Variants in INTS6L observed in about 807,000 individuals in gnomAD.
INTS6L encodes the protein integrator complex subunit 6 like.
Under a neutral mutation model 64.7 loss-of-function variants are expected in INTS6L, and 18 were observed. The observed-to-expected ratio is 0.28, with a 90% CI of 0.19 to 0.41. The LOEUF (loss-of-function observed/expected upper bound fraction) is 0.41, where lower values mean the gene tolerates loss of function less well. Among genes scored for constraint, INTS6L ranks in the 10% least tolerant of loss-of-function variants. The probability of loss-of-function intolerance (pLI) is 1.00; values close to 1 mark genes in which losing one functional copy is unlikely to be tolerated. For synonymous variants in INTS6L, 227 were observed against 235.9 expected, an observed-to-expected ratio of 0.96 and a Z score of 0.34; for missense variants, 533 against 661.0, an observed-to-expected ratio of 0.81 and a Z score of 2.12.
intron 11 of INTS6L, chrX:135,571,715 A>C (rs1556527579): frequency 1.8e-5 from 2 of 111,717 alleles, no homozygotes; most frequent in Non-Finnish European, 3.8e-5. Flanking sequence ...CTATCTATTG[A>C]TCTATCGATT....
At chrX:135,529,151 G>C (rs1282983934) in intron 2 of INTS6L, among the ~76,000 whole-genome samples, 2 of 112,051 alleles carry the variant, frequency 1.8e-5, no homozygotes, top group Non-Finnish European at 3.8e-5. Context: ...GTGCTCACCA[G>C]TAGTGCTAAA....
chrX:135,576,837 C>G (rs1461706958), intron 14 of INTS6L, among the ~76,000 whole-genome samples: 5 of 112,432 alleles, frequency 4.4e-5, no homozygotes, highest in African/African-American at 1.6e-4. Flanking sequence ...GTACTTCTCT[C>G]CTTTTGGTTG....
At chrX:135,532,717 G>A (rs955967878) in intron 2 of INTS6L, among the ~76,000 whole-genome samples, 13 of 111,917 alleles carry the variant, frequency 1.2e-4, no homozygotes, top group Admixed American at 4.7e-4. Flanking sequence ...GTACAGGAGA[G>A]AGTTGTATAA....
At chrX:135,574,871 T>G (rs1377619749) in intron 13 of INTS6L, among the ~76,000 whole-genome samples, 1 of 112,195 alleles carries the variant, frequency 8.9e-6, no homozygotes, top group Non-Finnish European at 1.9e-5. Context: ...GTTCTGATCC[T>G]AGCGATGTGA....
intron 2 of INTS6L, among the ~76,000 whole-genome samples, chrX:135,527,162 A>G (rs925144260): frequency 8.9e-6 from 1 of 112,049 alleles, no homozygotes; most frequent in African/African-American, 3.3e-5. Context: ...TGCCTCTTGC[A>G]TCTTTCTGCA....
intron 2 of INTS6L, among the ~76,000 whole-genome samples, chrX:135,528,404 C>G (rs1371248509): frequency 1.8e-5 from 2 of 111,556 alleles, no homozygotes; most frequent in African/African-American, 6.5e-5. Context: ...TTCCTCACAA[C>G]TGGGTGTGGA....
At chrX:135,526,891 T>A (rs1268449675) in intron 2 of INTS6L, among the ~76,000 whole-genome samples, 1 of 112,069 alleles carries the variant, frequency 8.9e-6, no homozygotes, top group African/African-American at 3.2e-5. Context: ...CCCCATAGAG[T>A]AATCACTATT....
chrX:135,559,740 A>G (rs1473820575), intron 9 of INTS6L, among the ~76,000 whole-genome samples: 1 of 112,446 alleles, frequency 8.9e-6, no homozygotes, highest in Non-Finnish European at 1.9e-5. Flanking sequence ...TAGCTATACT[A>G]TTTTACATTC....
intron 7 of INTS6L, among the ~76,000 whole-genome samples, chrX:135,551,703 T>C (rs1401474320): frequency 8.9e-6 from 1 of 112,131 alleles, no homozygotes; most frequent in Non-Finnish European, 1.9e-5. Flanking sequence ...TAAGCACTTC[T>C]TAAACATATT....
At chrX:135,556,826 T>A (rs1422935759) in intron 9 of INTS6L, among the ~76,000 whole-genome samples, 1 of 112,090 alleles carries the variant, frequency 8.9e-6, no homozygotes, top group African/African-American at 3.2e-5. Flanking sequence ...AATGAAAATG[T>A]GTGTGGAGAT....
At chrX:135,525,216 G>A (rs1410327956) in intron 2 of INTS6L, among the ~76,000 whole-genome samples, 1 of 112,103 alleles carries the variant, frequency 8.9e-6, no homozygotes, top group African/African-American at 3.2e-5. Flanking sequence ...GAATAGAAGA[G>A]GCAGGCTTGT....
intron 8 of INTS6L, 77 bp from the exon 9 acceptor site, chrX:135,556,091 A>G (rs940696278): frequency 4.2e-5 from 42 of 1,001,218 alleles, no homozygotes; most frequent in Non-Finnish European, 5.3e-5. Context: ...AGATGCTGCT[A>G]TGGAATGTTA....
intron 9 of INTS6L, among the ~76,000 whole-genome samples, chrX:135,558,836 A>G (rs187066803): frequency 9.9e-6 from 1 of 100,633 alleles, no homozygotes; most frequent in East Asian, 3.1e-4. Context: ...CCCAAGCCAG[A>G]GTGTAATGGC....
At position 135,581,754 on chromosome X, in the gene INTS6L, C is replaced by T; in HGVS notation, c.*118C>T. On this transcript the variant is annotated 3_prime_UTR_variant, in exon 18 of 18. Transcript: ENST00000639893. ...GAATTGCTTTCCAGATGCTAAGAAG[C>T]AGCAGTGGGGCTTTTGAATTTTATG... 1 of 551,158 alleles carries T rather than the reference C, an allele frequency of 1.8e-6. No homozygotes were observed. The highest frequency in any genetic ancestry group is 2.9e-6 in the Non-Finnish European group (1 of 340,292). 45.4% of individuals were successfully genotyped at this position (551,158 alleles called of 1,213,427 possible).
At chrX:135,524,072 T>C (rs2085664926) in intron 2 of INTS6L, among the ~76,000 whole-genome samples, 1 of 111,938 alleles carries the variant, frequency 8.9e-6, no homozygotes, top group Non-Finnish European at 1.9e-5. Flanking sequence ...TAATATGCCA[T>C]ATTTTGGTAG....
At position 135,552,000 on chromosome X, in the gene INTS6L, C is replaced by T. The variant is rs2086517774; in HGVS notation, c.913C>T (p.Arg305Ter). 2.6e-6 allele frequency: 3 copies of T among 1,150,243 alleles called. No homozygotes were observed. The highest frequency in any genetic ancestry group is 3.5e-6 in the Non-Finnish European group (3 of 867,626). 94.8% of individuals were successfully genotyped at this position (1,150,243 alleles called of 1,213,427 possible). The part of the protein sequence containing the change: ...PDQNLPSLPP[R>*]TSHPVVRFSC... ...TTTAAAAAATTTTTTTTAGCCTCCA[C>T]GAACATCTCATCCTGTTGTGAGGTT... is the stretch of plus-strand genomic sequence containing the variant. The change falls in exon 8 of 18, where the codon CGA (arginine) becomes TGA (stop). Residue 305 changes from arginine to a stop codon, truncating the protein, a stop_gained. Transcript: ENST00000639893. LOFTEE classifies it high-confidence loss of function.
At chrX:135,524,931 C>T (rs1556500349) in intron 2 of INTS6L, among the ~76,000 whole-genome samples, 1 of 112,424 alleles carries the variant, frequency 8.9e-6, no homozygotes, top group African/African-American at 3.2e-5. Context: ...TCATGTGCTA[C>T]ATCTGTTATG....
At chrX:135,550,015 C>T (rs1352372439) in intron 7 of INTS6L, among the ~76,000 whole-genome samples, 2 of 112,594 alleles carry the variant, frequency 1.8e-5, no homozygotes, top group African/African-American at 6.5e-5. Flanking sequence ...TGTCATTCTT[C>T]AGTTGCCTTC....
At chrX:135,573,796 G>A in intron 12 of INTS6L, 143 bp from the exon 13 acceptor site, 1 of 609,395 alleles carries the variant, frequency 1.6e-6, no homozygotes, top group Non-Finnish European at 2.4e-6. Flanking sequence ...GCTAGCAAGT[G>A]GAATTTTGCC....
Sources: gnomAD v4.1 joint callset for allele counts (sites outside exome capture counted in the v4.1 genomes callset) on GRCh38, gnomAD v4.1.1 for gene constraint, MANE v1.5 for transcripts, NCBI Gene and HGNC (gene_info 2026-07-23, HGNC 2026-07-21) for gene names.